CADM2: variants seen among roughly 807,000 people sequenced by gnomAD.
The protein encoded by CADM2 is immunoglobulin superfamily member 4D.
CADM2 carries 12 observed loss-of-function variants against 49.8 expected under a neutral mutation model. That is an observed-to-expected ratio of 0.24 (90% CI 0.15 to 0.39). CADM2 has a LOEUF of 0.39. CADM2 is among the 10% of genes least tolerant of loss of function. CADM2 has a pLI of 1.00. For missense variants in CADM2, 378 were observed against 492.3 expected (o/e 0.77, Z 2.20); for synonymous variants, 214 against 175.4 (o/e 1.22, Z -1.74).
intron 1 of CADM2, among the ~76,000 whole-genome samples, chr3:85,673,417 C>A (rs1057160052): frequency 2.6e-5 from 4 of 151,286 alleles, no homozygotes; most frequent in Admixed American, 2.6e-4. Flanking sequence ...TGTGAGTGTT[C>A]TCATAGATAA....
chr3:85,326,399 A>G (rs1255559425), intron 1 of CADM2, among the ~76,000 whole-genome samples: 1 of 152,174 alleles, frequency 6.6e-6, no homozygotes, highest in Non-Finnish European at 1.5e-5. Context: ...ACTGAGTTGA[A>G]TAGTCTTTCA....
intron 8 of CADM2, among the ~76,000 whole-genome samples, chr3:85,962,902 A>T (rs1419361919): frequency 6.6e-6 from 1 of 151,960 alleles, no homozygotes; most frequent in African/African-American, 2.4e-5. Flanking sequence ...TGTTTATTTG[A>T]TATCTTTCCC....
chr3:85,651,331 C>A (rs1448064770), intron 1 of CADM2, among the ~76,000 whole-genome samples: 5 of 152,084 alleles, frequency 3.3e-5, no homozygotes, highest in African/African-American at 9.7e-5. Flanking sequence ...TACAAGGAAG[C>A]AAGCAAGTTG....
intron 2 of CADM2, among the ~76,000 whole-genome samples, chr3:85,772,336 A>T (rs1481238818): frequency 6.6e-6 from 1 of 151,934 alleles, no homozygotes; most frequent in African/African-American, 2.4e-5. Context: ...CGAATATTGG[A>T]ATTTTCTTTG....
chr3:85,539,314 A>T, intron 1 of CADM2, among the ~76,000 whole-genome samples: 1 of 152,076 alleles, frequency 6.6e-6, no homozygotes, highest in East Asian at 1.9e-4. Flanking sequence ...AAAATAAAAT[A>T]TTTTAGATGA....
chr3:84,992,948 C>T (rs2032973339), intron 1 of CADM2, among the ~76,000 whole-genome samples: 1 of 151,978 alleles, frequency 6.6e-6, no homozygotes, highest in Non-Finnish European at 1.5e-5. Flanking sequence ...AAGTTGATTC[C>T]CATGTTTAGA....
chr3:85,216,187 GA>G (rs1011243073), intron 1 of CADM2, among the ~76,000 whole-genome samples: 10 of 148,736 alleles, frequency 6.7e-5, no homozygotes, highest in East Asian at 2.0e-4. Flanking sequence ...TTGTTTTCAT[GA>G]AAAAAAAATT....
At chr3:85,876,747 T>C (rs1711903528) in intron 3 of CADM2, among the ~76,000 whole-genome samples, 1 of 152,136 alleles carries the variant, frequency 6.6e-6, no homozygotes, top group Non-Finnish European at 1.5e-5. Flanking sequence ...ATTCACAAAT[T>C]GCTAGCAGGT....
intron 5 of CADM2, among the ~76,000 whole-genome samples, chr3:85,886,989 T>C (rs931017055): frequency 6.6e-6 from 1 of 152,204 alleles, no homozygotes; most frequent in African/African-American, 2.4e-5. Context: ...AAAACATATT[T>C]CTTATGCCAC....
At position 85,515,224 on chromosome 3, in the gene CADM2, A is replaced by G. The variant is rs2060862794; in HGVS notation, c.62-211298A>G. Among the ~76,000 whole-genome samples the G allele has an allele frequency of 3.3e-5, 5 of 152,130 alleles. No individual in the cohort carries two copies. In the South Asian group the frequency reaches 1.0e-3, roughly 31 times the overall value. On this transcript the variant is annotated intron_variant, in intron 1 of 9. Coordinates refer to ENST00000383699, the MANE Select transcript of CADM2 (RefSeq NM_001167675.2). ...TACTCTAAACAATAATGGGAACCCC[A>G]TTTAGGCTATAATTTGAGAAAGAGA... is the stretch of plus-strand genomic sequence containing the variant.
At chr3:85,201,927 A>T (rs2107747604) in intron 1 of CADM2, among the ~76,000 whole-genome samples, 1 of 152,104 alleles carries the variant, frequency 6.6e-6, no homozygotes, top group Admixed American at 6.5e-5. Context: ...CTAAAAATAC[A>T]AAAATTCGTT....
chr3:85,105,275 A>C (rs879521358), intron 1 of CADM2, among the ~76,000 whole-genome samples: 1 of 152,194 alleles, frequency 6.6e-6, no homozygotes, highest in Non-Finnish European at 1.5e-5. Flanking sequence ...CCCATCAAAA[A>C]GTGGGCAAAG....
At chr3:85,390,648 C>T (rs1176218675) in intron 1 of CADM2, among the ~76,000 whole-genome samples, 1 of 151,984 alleles carries the variant, frequency 6.6e-6, no homozygotes, top group Admixed American at 6.6e-5. Flanking sequence ...CTTGAAGAAC[C>T]AAAATTAACC....
intron 1 of CADM2, among the ~76,000 whole-genome samples, chr3:85,130,613 AATT>A (rs1485810932): frequency 6.6e-6 from 1 of 152,204 alleles, no homozygotes; most frequent in Non-Finnish European, 1.5e-5. Flanking sequence ...TGTATAAAAT[AATT>A]GGTCATAGGG....
At chr3:85,962,813 A>AT (rs1725004698) in intron 8 of CADM2, among the ~76,000 whole-genome samples, 1 of 151,990 alleles carries the variant, frequency 6.6e-6, no homozygotes, top group Non-Finnish European at 1.5e-5. Context: ...TCAACATAAT[A>AT]TTACAGTATA....
chr3:85,833,135 C>T (rs1051786759), intron 3 of CADM2, among the ~76,000 whole-genome samples: 1 of 151,812 alleles, frequency 6.6e-6, no homozygotes, highest in African/African-American at 2.4e-5. Context: ...TTTATGTATA[C>T]TAAACCATCA....
chr3:84,999,238 C>A (rs1186871970), intron 1 of CADM2, among the ~76,000 whole-genome samples: 1 of 152,126 alleles, frequency 6.6e-6, no homozygotes, highest in Admixed American at 6.6e-5. Flanking sequence ...AAATACTGAA[C>A]CTCCTTGGGA....
intron 1 of CADM2, among the ~76,000 whole-genome samples, chr3:85,619,105 A>G (rs2063890940): frequency 6.6e-6 from 1 of 152,114 alleles, no homozygotes; most frequent in Admixed American, 6.6e-5. Flanking sequence ...TACTGGAGTT[A>G]CTTGCAGAGA....
intron 1 of CADM2, among the ~76,000 whole-genome samples, chr3:85,038,145 A>G (rs2035295997): frequency 6.6e-6 from 1 of 152,098 alleles, no homozygotes; most frequent in Admixed American, 6.6e-5. Context: ...TAAATTTTTG[A>G]AAATTCAGTT....
Sources: allele counts gnomAD v4.1 joint callset (sites outside exome capture counted in the v4.1 genomes callset), GRCh38; gene constraint gnomAD v4.1.1; transcripts MANE v1.5; gene names NCBI Gene and HGNC (gene_info 2026-07-23, HGNC 2026-07-21).